The following KCNJ8 variants were observed in gnomAD, a reference collection of about 807,000 sequenced individuals.
KCNJ8 encodes the protein ATP-sensitive inward rectifier potassium channel 8.
A neutral mutation model predicts 28.2 loss-of-function variants in KCNJ8; 13 were observed. The ratio of observed to expected loss-of-function variants is 0.46; its 90% CI spans 0.30 to 0.73. The LOEUF (loss-of-function observed/expected upper bound fraction) is 0.73, where lower values mean the gene tolerates loss of function less well. Among genes scored for constraint, KCNJ8 ranks in the 30% least tolerant of loss-of-function variants. The pLI is 0.07. For missense variants in KCNJ8, 284 were observed against 542.6 expected (o/e 0.52, Z 4.73); for synonymous variants, 188 against 195.9 (o/e 0.96, Z 0.34).
Position 21,765,689 on chromosome 12 carries a change from C to G in KCNJ8, c.*34G>C. 1.2e-6 allele frequency: 2 copies of G among 1,601,764 alleles called. No homozygotes were observed. Among genetic ancestry groups the G allele is most frequent in the East Asian group, 4.5e-5 (2 of 44,794 alleles). ...CAGTGCCCAGCATAAACCGTCAAAA[C>G]TTGATAAAAGACTGTCTTGGGGTTA... On this transcript the variant is annotated 3_prime_UTR_variant, in exon 3 of 3. Transcript: ENST00000240662.
Position 21,773,275 on chromosome 12 carries a change from A to G in KCNJ8, c.342T>C (p.Gly114=). 6.2e-7 allele frequency: 1 copy of G among 1,613,928 alleles called. No individual in the cohort carries two copies. The highest frequency in any genetic ancestry group is 8.5e-7 in the Non-Finnish European group (1 of 1,180,032). Residue 114 remains glycine (G), a synonymous_variant, in exon 2 of 3, where the codon GGT becomes GGC. Coordinates refer to ENST00000240662, the MANE Select transcript of KCNJ8 (RefSeq NM_004982.4). The surrounding 1 kb of genome is among the most constrained non-coding windows in gnomAD (Gnocchi z 4.6). ...YMEKSGMEKS[G]LESTVCVTNV... ...TAGTCACACACACAGTGGACTCCAA[A>G]CCACTTTTCTCCATTCCACTTTTCT...
chr12:21,769,791 G>A (rs1273226608), intron 2 of KCNJ8, among the ~76,000 whole-genome samples: 2 of 152,216 alleles, frequency 1.3e-5, no homozygotes, highest in East Asian at 1.9e-4. Flanking sequence ...AAGAGAATTA[G>A]AATTACAAGG....
Position 21,773,366 on chromosome 12 carries a change from C to T in KCNJ8, c.251G>A (p.Trp84Ter), listed in dbSNP as rs1414385031. 1 of 1,614,118 alleles carries T rather than the reference C, an allele frequency of 6.2e-7. No individual in the cohort carries two copies. The highest frequency in any genetic ancestry group is 8.5e-7 in the Non-Finnish European group (1 of 1,180,048). ...VIFTMSFLCS[W>*]LLFAIMWWLV... ...CCACCACATGATAGCGAAGAGCAGC[C>T]AGCTGCAGAGGAAGGACATGGTAAA... Residue 84 changes from tryptophan to a stop codon, truncating the protein, a stop_gained, in exon 2 of 3, where the codon TGG becomes TAG. Coordinates refer to ENST00000240662, the MANE Select transcript of KCNJ8 (RefSeq NM_004982.4). LOFTEE classifies it high-confidence loss of function. This position sits in a 1 kb window ranked among gnomAD's most constrained non-coding sequence, Gnocchi z 4.6.
Position 21,766,046 on chromosome 12 carries a change from T to C in KCNJ8, c.952A>G (p.Ile318Val). The change falls in exon 3 of 3, where the codon ATC becomes GTC. Residue 318 changes from isoleucine (I) to valine (V), a missense_variant. Transcript: ENST00000240662. The surrounding 1 kb of genome is among the most constrained non-coding windows in gnomAD (Gnocchi z 6.5). ...GACACAAAGCGGTGGCCCCATTGGA[T>C]CTCCTCAGCAATGTAGGAGGTTCGT... ...QARTSYIAEEIQWGHRFVSIV... is the reference protein window; with the variant it reads ...QARTSYIAEEVQWGHRFVSIV... 1 of 1,614,092 alleles carries C rather than the reference T, an allele frequency of 6.2e-7. No individual in the cohort carries two copies. Among genetic ancestry groups the C allele is most frequent in the South Asian group, 1.1e-5 (1 of 91,066 alleles).
chr12:21,771,629 GA>G lies in KCNJ8; in HGVS notation c.374+1613del, dbSNP rs1374989046. Among the ~76,000 whole-genome samples the G allele has an allele frequency of 2.0e-5, 3 of 152,244 alleles. No homozygotes were observed. The East Asian group carries it at 5.8e-4, about 29-fold the overall frequency. The stretch of plus-strand genomic sequence containing the variant: ...GAATTCACAAAGGGAAAAATGCAAA[GA>G]ATTAGAATTATTATTAGTCACCTTT... On this transcript the variant is annotated intron_variant, in intron 2 of 2. Coordinates refer to ENST00000240662, the MANE Select transcript of KCNJ8 (RefSeq NM_004982.4).
chr12:21,768,984 C>G (rs1167927303), intron 2 of KCNJ8, among the ~76,000 whole-genome samples: 1 of 152,176 alleles, frequency 6.6e-6, no homozygotes, highest in Non-Finnish European at 1.5e-5. Context: ...GCAAGTTATC[C>G]AAAAGATCCA....
chr12:21,769,133 A>G (rs1369041314), intron 2 of KCNJ8, among the ~76,000 whole-genome samples: 1 of 152,220 alleles, frequency 6.6e-6, no homozygotes, highest in Non-Finnish European at 1.5e-5. Context: ...CAAAGCATCA[A>G]AGTTCAGGCT....
At chr12:21,774,206 A>G (rs1940832999) in intron 1 of KCNJ8, among the ~76,000 whole-genome samples, 1 of 152,222 alleles carries the variant, frequency 6.6e-6, no homozygotes, top group African/African-American at 2.4e-5. Context: ...ACAAAATTAT[A>G]ATAAGTGGTG....
At position 21,765,694 on chromosome 12, in the gene KCNJ8, T is replaced by C; in HGVS notation, c.*29A>G. On this transcript the variant is annotated 3_prime_UTR_variant, in exon 3 of 3. Transcript: ENST00000240662. ...CCCAGCATAAACCGTCAAAACTTGA[T>C]AAAAGACTGTCTTGGGGTTATCTTG... The C allele has an allele frequency of 6.2e-7, 1 of 1,607,486 alleles. No individual in the cohort carries two copies. The highest frequency in any genetic ancestry group is 8.5e-7 in the Non-Finnish European group (1 of 1,173,996).
intron 2 of KCNJ8, among the ~76,000 whole-genome samples, chr12:21,768,299 C>A (rs1005355397): frequency 6.6e-5 from 10 of 152,168 alleles, no homozygotes; most frequent in African/African-American, 2.4e-4. Flanking sequence ...TAGTACTGGT[C>A]TGCAGCCCAA....
rs1057522254 is a variant in KCNJ8 at position 21,773,563 on chromosome 12, G to A, written c.54C>T (p.Ala18=). The change falls in exon 2 of 3, where the codon GCC becomes GCT. Residue 18 remains alanine (A), a synonymous_variant. Coordinates refer to ENST00000240662, the MANE Select transcript of KCNJ8 (RefSeq NM_004982.4). The surrounding 1 kb of genome is among the most constrained non-coding windows in gnomAD (Gnocchi z 4.6). ...TGCGCGGCTTGCGCAGGTTCTCTGCGGCGATGCGCGCCAGCACATACTCCT... is the reference window on the plus strand; with the variant it reads ...TGCGCGGCTTGCGCAGGTTCTCTGCAGCGATGCGCGCCAGCACATACTCCT... ...IPEEYVLARI[A]AENLRKPRIR... 11 of 1,614,000 alleles carry A rather than the reference G, an allele frequency of 6.8e-6. No individual in the cohort carries two copies. Among genetic ancestry groups the A allele is most frequent in the Admixed American group, 1.7e-5 (1 of 60,014 alleles).
At chr12:21,771,260 A>G (rs762538236) in intron 2 of KCNJ8, among the ~76,000 whole-genome samples, 1 of 152,214 alleles carries the variant, frequency 6.6e-6, no homozygotes, top group Non-Finnish European at 1.5e-5. Context: ...TTCATGAGCC[A>G]CATTTTGTAT....
At chr12:21,768,768 A>T in intron 2 of KCNJ8, among the ~76,000 whole-genome samples, 3 of 152,344 alleles carry the variant, frequency 2.0e-5, no homozygotes, top group East Asian at 3.9e-4. Flanking sequence ...TAAAAGACCA[A>T]CTAGGTCACA....
At position 21,774,658 on chromosome 12, in the gene KCNJ8, G is replaced by A. The variant is rs1940853344; in HGVS notation, c.-183C>T. On this transcript the variant is annotated 5_prime_UTR_variant, in exon 1 of 3. Coordinates refer to ENST00000240662, the MANE Select transcript of KCNJ8 (RefSeq NM_004982.4). ...GCGGGACCAGGGGCCGCCCAGGCCG[G>A]AGGGACAAATTGGGGGCTGCGTGTC... is the stretch of plus-strand genomic sequence containing the variant. 6.6e-6 allele frequency: 1 copy of A among 152,292 alleles called. No individual in the cohort carries two copies. The highest frequency in any genetic ancestry group is 6.5e-5 in the Admixed American group (1 of 15,280). 9.4% of individuals were successfully genotyped at this position (152,292 alleles called of 1,614,324 possible).
intron 2 of KCNJ8, among the ~76,000 whole-genome samples, chr12:21,771,081 C>A (rs1012995025): frequency 1.3e-5 from 2 of 152,142 alleles, no homozygotes; most frequent in African/African-American, 2.4e-5. Context: ...ATTGCACTAA[C>A]TACCCACAAA....
In KCNJ8 at chr12:21,766,629, A is replaced by G; in HGVS notation, c.375-6T>C. ...GAAAAGCAGAAGTGAAAGACCTGTG[A>G]GGAATGATATCAGAAAAGAACACCA... On this transcript the variant is annotated splice_region_variant and splice_polypyrimidine_tract_variant and intron_variant, in intron 2 of 2. Transcript: ENST00000240662. This position sits in a 1 kb window ranked among gnomAD's most constrained non-coding sequence, Gnocchi z 6.5. 1 of 1,594,650 alleles carries G rather than the reference A, an allele frequency of 6.3e-7. No homozygotes were observed. The highest frequency in any genetic ancestry group is 8.5e-7 in the Non-Finnish European group (1 of 1,175,344).
chr12:21,774,113 AAG>A (rs1032232449), intron 1 of KCNJ8, among the ~76,000 whole-genome samples: 1 of 152,166 alleles, frequency 6.6e-6, no homozygotes, highest in African/African-American at 2.4e-5. Flanking sequence ...ATTAAAAGTA[AAG>A]AGAGAAAATT....
rs750317966 is a variant in KCNJ8, at chr12:21,766,397, C to T, written c.601G>A (p.Val201Ile). The change falls in exon 3 of 3, where the codon GTC becomes ATC. Residue 201 changes from valine to isoleucine, a missense_variant. Coordinates refer to ENST00000240662, the MANE Select transcript of KCNJ8 (RefSeq NM_004982.4). The surrounding 1 kb of genome is among the most constrained non-coding windows in gnomAD (Gnocchi z 6.5). ...LIFSRHAVIA[V>I]RNGKLCFMFR... ...ATGAAGCACAGCTTGCCATTTCGGACGGCAATCACAGCATGGCGGCTGAAA... is the reference window on the plus strand; with the variant it reads ...ATGAAGCACAGCTTGCCATTTCGGATGGCAATCACAGCATGGCGGCTGAAA... 1.7e-5 allele frequency: 28 copies of T among 1,614,054 alleles called. No individual in the cohort carries two copies. Among genetic ancestry groups the T allele is most frequent in the East Asian group, 4.5e-5 (2 of 44,890 alleles).
chr12:21,774,207 A>G (rs908059637), intron 1 of KCNJ8, among the ~76,000 whole-genome samples: 2 of 152,194 alleles, frequency 1.3e-5, no homozygotes, highest in Non-Finnish European at 1.5e-5. Flanking sequence ...CAAAATTATA[A>G]TAAGTGGTGT....
Sources: allele counts gnomAD v4.1 joint callset (sites outside exome capture counted in the v4.1 genomes callset), GRCh38; gene constraint gnomAD v4.1.1; non-coding constraint Gnocchi (gnomAD v3.1); transcripts MANE v1.5; gene names NCBI Gene and HGNC (gene_info 2026-07-23, HGNC 2026-07-21).